GRIK2: variants seen among roughly 807,000 people sequenced by gnomAD.
GRIK2 encodes glutamate ionotropic receptor kainate type subunit 2.
GRIK2 carries 32 observed loss-of-function variants against 100.3 expected under a neutral mutation model. That is an observed-to-expected ratio of 0.32 (90% CI 0.24 to 0.43). The LOEUF (loss-of-function observed/expected upper bound fraction) is 0.43. Ranked by LOEUF, GRIK2 falls within the 20% of genes least tolerant of loss-of-function variation. The pLI is 1.00. For synonymous variants in GRIK2, 417 were observed against 389.4 expected, an observed-to-expected ratio of 1.07 and a Z score of -0.83; for missense variants, 843 against 1,114.9, an observed-to-expected ratio of 0.76 and a Z score of 3.47.
intron 2 of GRIK2, among the ~76,000 whole-genome samples, chr6:101,593,665 T>C (rs943795250): frequency 6.6e-6 from 1 of 151,954 alleles, no homozygotes; most frequent in Non-Finnish European, 1.5e-5. Context: ...TTTGAGGCAA[T>C]ACAAACTCAT....
At chr6:101,990,154 C>T (rs1042222003) in intron 14 of GRIK2, among the ~76,000 whole-genome samples, 37 of 151,576 alleles carry the variant, frequency 2.4e-4, no homozygotes, top group Admixed American at 3.3e-4. Flanking sequence ...TTATTGCTGC[C>T]ACCCTAATAG....
At chr6:101,964,475 C>T (rs1425230259) in intron 14 of GRIK2, among the ~76,000 whole-genome samples, 1 of 152,154 alleles carries the variant, frequency 6.6e-6, no homozygotes, top group Non-Finnish European at 1.5e-5. Flanking sequence ...GAGAACTAGA[C>T]ATGGGTGTTT....
intron 2 of GRIK2, among the ~76,000 whole-genome samples, chr6:101,484,132 A>G (rs1772687482): frequency 6.6e-6 from 1 of 152,228 alleles, no homozygotes; most frequent in Admixed American, 6.5e-5. Flanking sequence ...TACTGATTGC[A>G]AAAGACAACA....
chr6:101,789,932 A>G (rs1391292194), intron 7 of GRIK2, among the ~76,000 whole-genome samples: 1 of 152,068 alleles, frequency 6.6e-6, no homozygotes, highest in African/African-American at 2.4e-5. Flanking sequence ...GTCCCTTGTA[A>G]GTTGGATTCC....
intron 7 of GRIK2, among the ~76,000 whole-genome samples, chr6:101,760,813 G>T (rs1777604561): frequency 6.9e-6 from 1 of 145,486 alleles, no homozygotes; most frequent in Admixed American, 7.2e-5. Context: ...ACTATTTTAT[G>T]TTGAGATTTT....
chr6:102,014,898 A>G (rs937478829), intron 14 of GRIK2, among the ~76,000 whole-genome samples: 3 of 152,084 alleles, frequency 2.0e-5, no homozygotes, highest in Admixed American at 6.6e-5. Flanking sequence ...AGAAGAGAAG[A>G]ATGTATATTC....
At chr6:101,954,753 T>C (rs1791811618) in intron 14 of GRIK2, among the ~76,000 whole-genome samples, 1 of 152,166 alleles carries the variant, frequency 6.6e-6, no homozygotes. Flanking sequence ...ATGTTGAATG[T>C]AAATGAGAAA....
At chr6:101,907,912 T>C (rs1408311305) in intron 12 of GRIK2, among the ~76,000 whole-genome samples, 1 of 151,576 alleles carries the variant, frequency 6.6e-6, no homozygotes, top group Non-Finnish European at 1.5e-5. Context: ...GTGCATTCAC[T>C]CACTGTTTTT....
chr6:101,923,143 T>A (rs1302289723), intron 12 of GRIK2, among the ~76,000 whole-genome samples: 1 of 152,200 alleles, frequency 6.6e-6, no homozygotes, highest in Non-Finnish European at 1.5e-5. Context: ...ATGATTTGTT[T>A]AATCTTCTGA....
intron 14 of GRIK2, among the ~76,000 whole-genome samples, chr6:101,935,221 T>C (rs1012541446): frequency 1.3e-5 from 2 of 151,916 alleles, no homozygotes; most frequent in African/African-American, 4.8e-5. Flanking sequence ...TCAGTAAGTA[T>C]AGGGAGGATG....
intron 2 of GRIK2, among the ~76,000 whole-genome samples, chr6:101,447,398 T>C (rs1562144377): frequency 6.6e-6 from 1 of 151,722 alleles, no homozygotes; most frequent in Non-Finnish European, 1.5e-5. Flanking sequence ...AACATCGGTT[T>C]CAAAAATAGA....
At chr6:101,949,589 A>G (rs1197522510) in intron 14 of GRIK2, among the ~76,000 whole-genome samples, 5 of 152,000 alleles carry the variant, frequency 3.3e-5, no homozygotes, top group Non-Finnish European at 7.4e-5. Flanking sequence ...ACTCCCACTT[A>G]TAAGTGAGAA....
chr6:101,587,673 GTATTAGA>G (rs1778445411), intron 2 of GRIK2, among the ~76,000 whole-genome samples: 1 of 152,082 alleles, frequency 6.6e-6, no homozygotes, highest in Non-Finnish European at 1.5e-5. Flanking sequence ...TGAACAACAG[GTATTAGA>G]AAGCAACATT....
chr6:102,050,832 G>T (rs1175803865), intron 15 of GRIK2, among the ~76,000 whole-genome samples: 1 of 151,692 alleles, frequency 6.6e-6, no homozygotes, highest in Non-Finnish European at 1.5e-5. Context: ...AGCAAGGAAA[G>T]AAATAAAGAA....
intron 1 of GRIK2, among the ~76,000 whole-genome samples, chr6:101,394,779 A>G (rs950120420): frequency 3.3e-5 from 5 of 152,222 alleles, no homozygotes; most frequent in Non-Finnish European, 7.4e-5. Flanking sequence ...GTAACCACCA[A>G]GGCAGCCTAT....
chr6:101,557,726 ATACT>A (rs1431356005), intron 2 of GRIK2, among the ~76,000 whole-genome samples: 1 of 152,076 alleles, frequency 6.6e-6, no homozygotes, highest in East Asian at 1.9e-4. Flanking sequence ...TTCTACTGAG[ATACT>A]TTCTTTCTTT....
chr6:101,581,194 A>G (rs535535656), intron 2 of GRIK2, among the ~76,000 whole-genome samples: 4 of 150,268 alleles, frequency 2.7e-5, no homozygotes, highest in Middle Eastern at 3.5e-3. Flanking sequence ...ACACACACAC[A>G]TATATATACG....
intron 11 of GRIK2, among the ~76,000 whole-genome samples, chr6:101,875,446 T>G (rs1313551700): frequency 1.3e-5 from 2 of 151,886 alleles, no homozygotes; most frequent in African/African-American, 4.8e-5. Flanking sequence ...GACCATCATA[T>G]ATCTGCTCAG....
chr6:101,553,593 T>C (rs913334530), intron 2 of GRIK2, among the ~76,000 whole-genome samples: 1 of 152,190 alleles, frequency 6.6e-6, no homozygotes, highest in Non-Finnish European at 1.5e-5. Context: ...TAAACCCAAC[T>C]GTAATTTGGT....
Sources: allele counts gnomAD v4.1 joint callset (sites outside exome capture counted in the v4.1 genomes callset), GRCh38; gene constraint gnomAD v4.1.1; transcripts MANE v1.5; gene names NCBI Gene and HGNC (gene_info 2026-07-23, HGNC 2026-07-21).